The following GNRH1 variants were observed in gnomAD, a reference collection of about 807,000 sequenced individuals.
The protein encoded by GNRH1 is progonadoliberin-1.
GNRH1 carries 9 observed loss-of-function variants against 13.6 expected under a neutral mutation model. The observed-to-expected ratio is 0.66, with a 90% CI of 0.40 to 1.15. GNRH1 has a LOEUF of 1.15. GNRH1 is among the 50% of genes most tolerant of loss of function. The probability of loss-of-function intolerance (pLI) is 0.01; values close to 1 mark genes in which losing one functional copy is unlikely to be tolerated. For missense variants in GNRH1, 116 were observed against 110.8 expected (o/e 1.05, Z -0.21); for synonymous variants, 44 against 40.1 (o/e 1.10, Z -0.37).
intron 1 of GNRH1, chr8:25,423,637 T>G (rs566113185): frequency 5.6e-6 from 2 of 358,908 alleles, no homozygotes; most frequent in East Asian, 1.3e-4. Flanking sequence ...CCTTATCAAG[T>G]TCATCATTTT....
intron 2 of GNRH1, among the ~76,000 whole-genome samples, chr8:25,422,869 A>C (rs1316788318): frequency 6.6e-6 from 1 of 152,226 alleles, no homozygotes; most frequent in Non-Finnish European, 1.5e-5. Context: ...TCCAAATCCC[A>C]AAGAATCATC....
Position 25,419,503 on chromosome 8 carries a change from C to A in GNRH1, c.238-43G>T, listed in dbSNP as rs200515288. The A allele has an allele frequency of 5.2e-6, 5 of 953,564 alleles. No homozygotes were observed. In the African/African-American group the frequency reaches 6.4e-5, roughly 12 times the overall value. 59.1% of individuals were successfully genotyped at this position (953,564 alleles called of 1,614,324 possible). ...AATATATCAAGACTGACTTTACCAG[C>A]TGAATTTCATTACATTTTGACATTT... is the stretch of plus-strand genomic sequence containing the variant. On this transcript the variant is annotated intron_variant, in intron 3 of 3. Transcript: ENST00000421054.
Position 25,419,260 on chromosome 8 carries a change from C to G in GNRH1, c.*159G>C, listed in dbSNP as rs1801742149. On this transcript the variant is annotated 3_prime_UTR_variant, in exon 4 of 4. Coordinates refer to ENST00000421054, the MANE Select transcript of GNRH1 (RefSeq NM_001083111.2). Reference sequence around the variant, plus strand: ...GAAAGATTTAACAGGTATGCCACTTCATTCACAACACAGCACTTTATTATG... The same window carrying G: ...GAAAGATTTAACAGGTATGCCACTTGATTCACAACACAGCACTTTATTATG... 2 of 664,580 alleles carry G rather than the reference C, an allele frequency of 3.0e-6. No homozygotes were observed. The highest frequency in any genetic ancestry group is 5.5e-6 in the Non-Finnish European group (2 of 364,222). The allele number at this position is 664,580 out of a possible 1,614,324, so 41.2% of individuals were successfully genotyped here. A position where few individuals can be genotyped will look rare whatever the true frequency, so the allele number is the denominator to read the frequency against.
intron 3 of GNRH1, 27 bp from the exon 4 acceptor site, chr8:25,419,487 A>G (rs1439477888): frequency 8.9e-7 from 1 of 1,121,266 alleles, no homozygotes; most frequent in African/African-American, 1.5e-5. Context: ...AAATATATCA[A>G]GACTGACTTT....
intron 3 of GNRH1, 124 bp from the exon 4 acceptor site, chr8:25,419,584 T>G: frequency 1.4e-6 from 1 of 708,108 alleles, no homozygotes; most frequent in Non-Finnish European, 2.6e-6. Context: ...TGTGCTCTAG[T>G]TAGTGCTAGG....
At position 25,419,352 on chromosome 8, in the gene GNRH1, A is replaced by T; in HGVS notation, c.*67T>A. ...CATTTACAGGTATTTAATGGGTTAT[A>T]AATTTTCAATGTCAGAATTATACTT... On this transcript the variant is annotated 3_prime_UTR_variant, in exon 4 of 4. Coordinates refer to ENST00000421054, the MANE Select transcript of GNRH1 (RefSeq NM_001083111.2). 1.1e-6 allele frequency: 1 copy of T among 875,926 alleles called. No individual in the cohort carries two copies. Among genetic ancestry groups the T allele is most frequent in the Non-Finnish European group, 2.0e-6 (1 of 505,544 alleles). 54.3% of individuals were successfully genotyped at this position (875,926 alleles called of 1,614,324 possible). A position where few individuals can be genotyped will look rare whatever the true frequency, so the allele number is the denominator to read the frequency against.
At chr8:25,420,408 G>A (rs115330150) in intron 3 of GNRH1, among the ~76,000 whole-genome samples, 4,321 of 152,180 alleles carry the variant, frequency 0.028, 224 homozygotes, top group African/African-American at 0.098. Flanking sequence ...AGGAAATAAC[G>A]ACGTCTGCCC....
chr8:25,421,765 G>A, intron 2 of GNRH1, 97 bp from the exon 3 acceptor site: 1 of 576,570 alleles, frequency 1.7e-6, no homozygotes, highest in South Asian at 1.6e-5. Context: ...GGGTCAAGGG[G>A]GATGTGGGGC....
intron 2 of GNRH1, 118 bp downstream of exon 2, chr8:25,423,072 C>T: frequency 2.4e-6 from 2 of 838,132 alleles, no homozygotes; most frequent in Admixed American, 1.7e-5. Flanking sequence ...CCTTATCTCA[C>T]CTGGAGCATC....
chr8:25,424,753 CA>C (rs1437817350), upstream of GNRH1: 1 of 152,126 alleles, frequency 6.6e-6, no homozygotes, highest in Non-Finnish European at 1.5e-5. Flanking sequence ...GAGTTGCTTC[CA>C]ATTTTAAAAA....
Position 25,420,345 on chromosome 8 carries a change from T to C in GNRH1, c.238-885A>G, listed in dbSNP as rs569162117. On this transcript the variant is annotated intron_variant, in intron 3 of 3. Coordinates refer to ENST00000421054, the MANE Select transcript of GNRH1 (RefSeq NM_001083111.2). Reference sequence around the variant, plus strand: ...AGGAGAATCGCTTGAACCCAGGAGATGGAGGTTGCATTGAGCCGAGATTGC... The same window carrying C: ...AGGAGAATCGCTTGAACCCAGGAGACGGAGGTTGCATTGAGCCGAGATTGC... Among the ~76,000 whole-genome samples the C allele has an allele frequency of 1.4e-4, 21 of 151,294 alleles. No homozygotes were observed. In the South Asian group the frequency reaches 3.4e-3, roughly 25 times the overall value.
chr8:25,422,349 C>G (rs2117368876), intron 2 of GNRH1, among the ~76,000 whole-genome samples: 1 of 152,218 alleles, frequency 6.6e-6, no homozygotes, highest in South Asian at 2.1e-4. Context: ...GAGTTTGAGA[C>G]CAGCCTGGGC....
At chr8:25,422,406 G>C (rs559166214) in intron 2 of GNRH1, among the ~76,000 whole-genome samples, 1 of 152,168 alleles carries the variant, frequency 6.6e-6, no homozygotes, top group African/African-American at 2.4e-5. Context: ...AAATTAGTTG[G>C]GTGTGATAGT....
Position 25,421,477 on chromosome 8 carries a change from A to G in GNRH1, c.237+96T>C, listed in dbSNP as rs370929971. 1.8e-4 allele frequency: 124 copies of G among 677,524 alleles called. No individual in the cohort carries two copies. In the East Asian group the frequency reaches 2.1e-3, roughly 12 times the overall value. 42.0% of individuals were successfully genotyped at this position (677,524 alleles called of 1,614,324 possible). A position where few individuals can be genotyped will look rare whatever the true frequency, so the allele number is the denominator to read the frequency against. ...CAGAGGAGTCAGGAATGTAAGCCCC[A>G]CAGTATCTGGGAGGTAGCTGTCCTA... On this transcript the variant is annotated intron_variant, in intron 3 of 3. Transcript: ENST00000421054.
chr8:25,424,951 A>G (rs189563909), upstream of GNRH1, among the ~76,000 whole-genome samples: 3 of 152,332 alleles, frequency 2.0e-5, no homozygotes, highest in Admixed American at 2.0e-4. Flanking sequence ...GCAGACTTAC[A>G]TCAACAGATC....
chr8:25,424,649 T>C (rs1455693538), upstream of GNRH1: 2 of 152,192 alleles, frequency 1.3e-5, no homozygotes, highest in Non-Finnish European at 2.9e-5. Context: ...ACAACAAATA[T>C]AGGACATTGA....
At chr8:25,420,378 C>CATTCCAGCCTGGCAACAGAGCGAG (rs1563240292) in intron 3 of GNRH1, among the ~76,000 whole-genome samples, 3 of 50,108 alleles carry the variant, frequency 6.0e-5, no homozygotes, top group Non-Finnish European at 1.2e-4. Context: ...TGCGCCACTG[C>CATTCCAGCCTGGCAACAGAGCGAG]ACTCCAAAAA....
At chr8:25,419,549 T>C (rs932335945) in intron 3 of GNRH1, 89 bp from the exon 4 acceptor site, 5 of 774,262 alleles carry the variant, frequency 6.5e-6, no homozygotes, top group Admixed American at 1.8e-5. Context: ...AATATCAGTC[T>C]GGAAGGAATT....
intron 2 of GNRH1, 102 bp from the exon 3 acceptor site, chr8:25,421,770 T>TTGG: frequency 3.5e-5 from 6 of 171,592 alleles, no homozygotes; most frequent in Admixed American, 1.7e-4. Flanking sequence ...AAGGGGGATG[T>TTGG]GGGGCTGGGG....
Sources: allele counts gnomAD v4.1 joint callset (sites outside exome capture counted in the v4.1 genomes callset), GRCh38; gene constraint gnomAD v4.1.1; transcripts MANE v1.5; gene names NCBI Gene and HGNC (gene_info 2026-07-23, HGNC 2026-07-21).